Variants in CDK8 observed in about 807,000 individuals in gnomAD.
CDK8 encodes cyclin dependent kinase 8, also known as cyclin-dependent kinase 8.
A neutral mutation model predicts 71.5 loss-of-function variants in CDK8; 29 were observed. The ratio of observed to expected loss-of-function variants is 0.41; its 90% CI spans 0.30 to 0.55. The LOEUF (loss-of-function observed/expected upper bound fraction) is 0.55, where lower values mean the gene tolerates loss of function less well. Ranked by LOEUF, CDK8 falls within the 20% of genes least tolerant of loss-of-function variation. The probability of loss-of-function intolerance (pLI) is 0.37; values close to 1 mark genes in which losing one functional copy is unlikely to be tolerated. For synonymous variants in CDK8, 161 were observed against 192.1 expected, an observed-to-expected ratio of 0.84 and a Z score of 1.34; for missense variants, 288 against 572.6, an observed-to-expected ratio of 0.50 and a Z score of 5.07.
At chr13:26,273,345 C>G (rs1872417455) in intron 1 of CDK8, among the ~76,000 whole-genome samples, 1 of 152,028 alleles carries the variant, frequency 6.6e-6, no homozygotes, top group South Asian at 2.1e-4. Context: ...ATTGTTTTGA[C>G]TTTTTTGTAG....
chr13:26,315,777 T>G (rs1348528063), intron 1 of CDK8, among the ~76,000 whole-genome samples: 2 of 152,120 alleles, frequency 1.3e-5, no homozygotes, highest in Non-Finnish European at 2.9e-5. Context: ...TGTTGTGAGG[T>G]CATTATTACT....
intron 1 of CDK8, among the ~76,000 whole-genome samples, chr13:26,301,026 A>C (rs1161205665): frequency 1.3e-5 from 2 of 152,110 alleles, no homozygotes; most frequent in African/African-American, 4.8e-5. Flanking sequence ...GGAAGACAGG[A>C]GTATTGCAAA....
At chr13:26,284,916 C>T (rs1022428407) in intron 1 of CDK8, among the ~76,000 whole-genome samples, 2 of 146,830 alleles carry the variant, frequency 1.4e-5, no homozygotes, top group African/African-American at 5.1e-5. Context: ...ACCAATATCC[C>T]TGATGAACAT....
chr13:26,380,697 C>T (rs1290884467), intron 4 of CDK8, among the ~76,000 whole-genome samples: 2 of 152,116 alleles, frequency 1.3e-5, no homozygotes, highest in Admixed American at 6.5e-5. Flanking sequence ...CCCAGGCTGG[C>T]CTTGAGCTCC....
intron 1 of CDK8, among the ~76,000 whole-genome samples, chr13:26,295,372 T>G (rs1396011338): frequency 6.6e-6 from 1 of 151,970 alleles, no homozygotes; most frequent in Non-Finnish European, 1.5e-5. Context: ...AATAAGGGAG[T>G]CTCCTGCCTT....
chr13:26,289,771 C>T (rs1184434795), intron 1 of CDK8, among the ~76,000 whole-genome samples: 5 of 151,974 alleles, frequency 3.3e-5, no homozygotes, highest in Non-Finnish European at 7.4e-5. Context: ...AGGACAGTCT[C>T]GATCTCCTGA....
intron 4 of CDK8, among the ~76,000 whole-genome samples, chr13:26,369,891 T>A (rs1038342576): frequency 9.9e-5 from 15 of 152,034 alleles, no homozygotes; most frequent in African/African-American, 3.6e-4. Flanking sequence ...TCAATTTCTT[T>A]AGTAATTGTT....
chr13:26,369,709 C>CTTTTTTTTTTTTTTTTT (rs36116401), intron 4 of CDK8, among the ~76,000 whole-genome samples: 1 of 95,386 alleles, frequency 1.0e-5, no homozygotes, highest in African/African-American at 4.0e-5. Flanking sequence ...TTCTTTCTTT[C>CTTTTTTTTTTTTTTTTT]TTTTTTTTTT....
intron 1 of CDK8, among the ~76,000 whole-genome samples, chr13:26,335,060 T>A (rs959957437): frequency 6.6e-6 from 1 of 152,172 alleles, no homozygotes; most frequent in African/African-American, 2.4e-5. Flanking sequence ...TTTCTCTGGG[T>A]CCTTTCTGTC....
chr13:26,395,729 T>C (rs536216112), intron 7 of CDK8, among the ~76,000 whole-genome samples: 1 of 152,178 alleles, frequency 6.6e-6, no homozygotes, highest in Non-Finnish European at 1.5e-5. Context: ...GCCCACTTAT[T>C]AATATACTAA....
chr13:26,276,506 G>A (rs530204925), intron 1 of CDK8, among the ~76,000 whole-genome samples: 1 of 152,282 alleles, frequency 6.6e-6, no homozygotes, highest in Non-Finnish European at 1.5e-5. Context: ...GGCAATGGAT[G>A]CAAAACAAGT....
chr13:26,326,128 G>A (rs532998723), intron 1 of CDK8, among the ~76,000 whole-genome samples: 10 of 152,276 alleles, frequency 6.6e-5, no homozygotes, highest in African/African-American at 2.4e-4. Context: ...ACTTTCCTAA[G>A]TATGACATCA....
chr13:26,378,089 G>A (rs1299358113), intron 4 of CDK8, among the ~76,000 whole-genome samples: 1 of 152,176 alleles, frequency 6.6e-6, no homozygotes, highest in African/African-American at 2.4e-5. Flanking sequence ...GTAAATATCT[G>A]AAGACTTCAT....
intron 1 of CDK8, among the ~76,000 whole-genome samples, chr13:26,257,941 C>T (rs9512167): frequency 0.054 from 8,151 of 150,626 alleles, 266 homozygotes; most frequent in South Asian, 0.071. Context: ...AGAGATACTG[C>T]CAACTTTCTT....
In CDK8 at chr13:26,340,526, T is replaced by C. The variant is rs1873196045; in HGVS notation, c.204+2884T>C. ...TTTTTAATATTCTTTTTTATTTAGT[T>C]TGGAAATTTGTATAACAAAAAGTTA... On this transcript the variant is annotated intron_variant, in intron 2 of 12. Coordinates refer to ENST00000381527, the MANE Select transcript of CDK8 (RefSeq NM_001260.3). Among the ~76,000 whole-genome samples, 3 of 152,278 alleles carry C rather than the reference T, an allele frequency of 2.0e-5. No homozygotes were observed. In the South Asian group the frequency reaches 6.2e-4, roughly 32 times the overall value.
At chr13:26,377,464 G>A (rs1297115870) in intron 4 of CDK8, among the ~76,000 whole-genome samples, 1 of 152,262 alleles carries the variant, frequency 6.6e-6, no homozygotes, top group Non-Finnish European at 1.5e-5. Context: ...TATAGAGAAT[G>A]AAGTTAGGTG....
At position 26,273,611 on chromosome 13, in the gene CDK8, A is replaced by G. The variant is rs926197336; in HGVS notation, c.128+18842A>G. Among the ~76,000 whole-genome samples, 3 of 151,366 alleles carry G rather than the reference A, an allele frequency of 2.0e-5. No homozygotes were observed. The East Asian group carries it at 5.8e-4, about 29-fold the overall frequency. On this transcript the variant is annotated intron_variant, in intron 1 of 12. Transcript: ENST00000381527. ...GTTTAACTTTTTCTGTGCAGTTCAG[A>G]CTAACTATTGTAAAACATTAGCCAT...
rs766025765 is a variant in CDK8, at chr13:26,261,709, A to G, written c.128+6940A>G. Among the ~76,000 whole-genome samples the G allele has an allele frequency of 1.1e-4, 17 of 152,288 alleles. 1 individual carries two copies. In the South Asian group the frequency reaches 1.4e-3, roughly 13 times the overall value. ...CCACATTTTGTTTATATATTCATCAATTGGGCGTTTGGGTTGTTTCCACTT... is the reference window on the plus strand; with the variant it reads ...CCACATTTTGTTTATATATTCATCAGTTGGGCGTTTGGGTTGTTTCCACTT... On this transcript the variant is annotated intron_variant, in intron 1 of 12. Coordinates refer to ENST00000381527, the MANE Select transcript of CDK8 (RefSeq NM_001260.3).
Position 26,329,589 on chromosome 13 carries a change from G to A in CDK8, c.129-7978G>A, listed in dbSNP as rs748558650. ...AGGATCTTGGCTCACTGCAACCTCCGCCTCCCGGGTTCAAGTGATTCTCCT... is the reference window on the plus strand; with the variant it reads ...AGGATCTTGGCTCACTGCAACCTCCACCTCCCGGGTTCAAGTGATTCTCCT... On this transcript the variant is annotated intron_variant, in intron 1 of 12. Coordinates refer to ENST00000381527, the MANE Select transcript of CDK8 (RefSeq NM_001260.3). Among the ~76,000 whole-genome samples the A allele has an allele frequency of 2.7e-5, 4 of 150,534 alleles. 1 individual carries two copies. Among genetic ancestry groups the A allele is most frequent in the South Asian group, 4.2e-4 (2 of 4,750 alleles).
Sources: gnomAD v4.1 joint callset for allele counts (sites outside exome capture counted in the v4.1 genomes callset) on GRCh38, gnomAD v4.1.1 for gene constraint, MANE v1.5 for transcripts, NCBI Gene and HGNC (gene_info 2026-07-23, HGNC 2026-07-21) for gene names.